Variants in RBL1 observed in about 807,000 individuals in gnomAD.
RBL1 encodes retinoblastoma-like protein 1.
A neutral mutation model predicts 123.0 loss-of-function variants in RBL1; 82 were observed. The ratio of observed to expected loss-of-function variants is 0.67; its 90% CI spans 0.56 to 0.80. The LOEUF (loss-of-function observed/expected upper bound fraction) is 0.80, where lower values mean the gene tolerates loss of function less well. Ranked by LOEUF, RBL1 falls within the 30% of genes least tolerant of loss-of-function variation. RBL1 has a pLI of 0.00. For synonymous variants in RBL1, 405 were observed against 441.3 expected (o/e 0.92, Z 1.03); for missense variants, 1,171 against 1,299.6 (o/e 0.90, Z 1.52).
At chr20:37,018,218 G>A in intron 19 of RBL1, 61 bp downstream of exon 19, 3 of 1,477,198 alleles carry the variant, frequency 2.0e-6, no homozygotes, top group Non-Finnish European at 9.0e-7. Context: ...GACACCCACT[G>A]TATTATGTAC....
At chr20:37,056,625 T>C (rs2065011836) in intron 9 of RBL1, among the ~76,000 whole-genome samples, 1 of 152,216 alleles carries the variant, frequency 6.6e-6, no homozygotes, top group East Asian at 1.9e-4. Flanking sequence ...AATGCTGGGA[T>C]TACAGGCATG....
Position 37,085,012 on chromosome 20 carries a change from C to T in RBL1, c.290+3977G>A, listed in dbSNP as rs377745041. On this transcript the variant is annotated intron_variant, in intron 2 of 21. Transcript: ENST00000373664. The stretch of plus-strand genomic sequence containing the variant: ...AACTCCTGACCCCAGGTGATCCGCC[C>T]GTCTAAGCCTTCCAAAGTGCTGGGG... Among the ~76,000 whole-genome samples, 79 of 152,204 alleles carry T rather than the reference C, an allele frequency of 5.2e-4. 1 individual carries two copies. Among genetic ancestry groups the T allele is most frequent in the Admixed American group, 5.2e-3 (79 of 15,258 alleles).
intron 1 of RBL1, 86 bp downstream of exon 1, chr20:37,095,687 C>T (rs2065724357): frequency 7.7e-7 from 1 of 1,294,386 alleles, no homozygotes; most frequent in Non-Finnish European, 1.0e-6. Flanking sequence ...GGGAAACTCC[C>T]ACCACCCCAT....
rs1234219930 is a variant in RBL1 at position 37,017,651 on chromosome 20, T to TGTGTGTGTGTGTGTGA, written c.2722+627_2722+628insTCACACACACACACAC. Reference sequence around the variant, plus strand: ...GTGTGTGTGTGTGTGTGTGTGTGTGTGACAGAGTCTCACTTTGCCGCCAGG... The same window carrying TGTGTGTGTGTGTGTGA: ...GTGTGTGTGTGTGTGTGTGTGTGTGTGTGTGTGTGTGTGTGAGACAGAGTCTCACTTTGCCGCCAGG... On this transcript the variant is annotated intron_variant, in intron 19 of 21. Coordinates refer to ENST00000373664, the MANE Select transcript of RBL1 (RefSeq NM_002895.5). Among the ~76,000 whole-genome samples, 16 of 151,174 alleles carry TGTGTGTGTGTGTGTGA rather than the reference T, an allele frequency of 1.1e-4. No homozygotes were observed. The South Asian group carries it at 1.9e-3, about 18-fold the overall frequency.
chr20:37,077,238 T>A (rs1568885874), intron 2 of RBL1, among the ~76,000 whole-genome samples: 1 of 152,166 alleles, frequency 6.6e-6, no homozygotes, highest in Non-Finnish European at 1.5e-5. Flanking sequence ...TGCCCAGCCA[T>A]CTATATATAC....
intron 16 of RBL1, among the ~76,000 whole-genome samples, chr20:37,032,388 G>C (rs1430505844): frequency 6.6e-6 from 1 of 152,118 alleles, no homozygotes; most frequent in African/African-American, 2.4e-5. Flanking sequence ...GAAACAGAAA[G>C]TAGAATAGTA....
chr20:37,006,199 C>T (rs1555846886), intron 20 of RBL1, among the ~76,000 whole-genome samples: 1 of 146,642 alleles, frequency 6.8e-6, no homozygotes, highest in Non-Finnish European at 1.5e-5. Context: ...AGCACCTGAC[C>T]TCCTTTTGTT....
At chr20:37,085,397 A>T (rs996134586) in intron 2 of RBL1, among the ~76,000 whole-genome samples, 2 of 151,972 alleles carry the variant, frequency 1.3e-5, no homozygotes, top group Non-Finnish European at 2.9e-5. Context: ...CAGCCTCCCA[A>T]AGTGCTGGGA....
Position 37,018,510 on chromosome 20 carries a change from G to T in RBL1, c.2632-141C>A, listed in dbSNP as rs562754247. ...GATACTCAAGGGTAAAATGTTATTA[G>T]CTCTAGTAAGTATAGATTATAACAC... On this transcript the variant is annotated intron_variant, in intron 18 of 21. Coordinates refer to ENST00000373664, the MANE Select transcript of RBL1 (RefSeq NM_002895.5). 21 of 1,187,458 alleles carry T rather than the reference G, an allele frequency of 1.8e-5. No homozygotes were observed. The South Asian group carries it at 4.1e-4, about 23-fold the overall frequency. The allele number at this position is 1,187,458 out of a possible 1,614,324, so 73.6% of individuals were successfully genotyped here. A position where few individuals can be genotyped will look rare whatever the true frequency, so the allele number is the denominator to read the frequency against.
At chr20:37,069,302 G>C (rs1179365995) in intron 2 of RBL1, among the ~76,000 whole-genome samples, 1 of 148,078 alleles carries the variant, frequency 6.8e-6, no homozygotes, top group African/African-American at 2.5e-5. Context: ...GCCGCCCATC[G>C]TCTGGGATGT....
intron 7 of RBL1, among the ~76,000 whole-genome samples, chr20:37,062,850 G>A (rs1600558454): frequency 6.6e-6 from 1 of 151,614 alleles, no homozygotes; most frequent in Admixed American, 6.6e-5. Context: ...AGCTACTTGG[G>A]AGGTGCCTGT....
chr20:37,067,326 C>A, intron 3 of RBL1, 29 bp from the exon 4 acceptor site: 1 of 1,493,076 alleles, frequency 6.7e-7, no homozygotes, highest in Non-Finnish European at 9.2e-7. Flanking sequence ...TACTTTTTGT[C>A]TGACTAGCTC....
Position 37,035,256 on chromosome 20 carries a change from G to A in RBL1, c.2156C>T (p.Thr719Ile), listed in dbSNP as rs776678629. 48 of 1,612,718 alleles carry A rather than the reference G, an allele frequency of 3.0e-5. No homozygotes were observed. The highest frequency in any genetic ancestry group is 4.0e-5 in the Non-Finnish European group (47 of 1,179,300). The change falls in exon 15 of 22, where the codon ACA (threonine) becomes ATA (isoleucine). Residue 719 changes from threonine (T) to isoleucine (I), a missense_variant. By Grantham distance (89) the Thr-to-Ile change is moderately conservative (BLOSUM62 -1). Transcript: ENST00000373664. ...TATAACGTTACCATGTAATGGAATT[G>A]TAACTTTATGTCCTGTTGTTCCTGT... ...PVTGTTGHKV[T>I]IPLHGVANDA...
intron 2 of RBL1, among the ~76,000 whole-genome samples, chr20:37,072,491 A>G (rs557041913): frequency 6.6e-6 from 1 of 152,174 alleles, no homozygotes; most frequent in Admixed American, 6.6e-5. Context: ...AACGAGAGCG[A>G]AACTCCGTCT....
chr20:36,998,768 T>C lies in RBL1; in HGVS notation c.3198A>G (p.Ala1066=). 1 of 1,610,054 alleles carries C rather than the reference T, an allele frequency of 6.2e-7. No homozygotes were observed. Among genetic ancestry groups the C allele is most frequent in the Non-Finnish European group, 8.5e-7 (1 of 1,178,452 alleles). ...KRLQDVVSER[A]NH is the part of the protein sequence containing the mutation. The stretch of plus-strand genomic sequence containing the variant: ...AGAAACAAGAACAACATTAATGATT[T>C]GCTCTTTCACTGACAACATCCTGTA... Residue 1066 remains alanine, a synonymous_variant, in exon 22 of 22, where the codon GCA becomes GCG. Coordinates refer to ENST00000373664, the MANE Select transcript of RBL1 (RefSeq NM_002895.5).
In RBL1 at chr20:37,044,119, C is replaced by G. The variant is rs1437923874; in HGVS notation, c.1737G>C (p.Gln579His). Reference sequence around the variant, plus strand: ...AGGTAGGAACTTTGTTTGCAGAAACCTGGAGAGCCTCCCACAGTGCAGAAT... The same window carrying G: ...AGGTAGGAACTTTGTTTGCAGAAACGTGGAGAGCCTCCCACAGTGCAGAAT... ...SHDSALWEAL[Q>H]VSANKVPTCE... The change falls in exon 13 of 22, where the codon CAG becomes CAC. Residue 579 changes from glutamine to histidine, a missense_variant. Transcript: ENST00000373664. 1 of 1,610,770 alleles carries G rather than the reference C, an allele frequency of 6.2e-7. No homozygotes were observed. The highest frequency in any genetic ancestry group is 1.3e-5 in the African/African-American group (1 of 74,208).
chr20:37,082,446 A>G (rs538800771), intron 2 of RBL1, among the ~76,000 whole-genome samples: 1 of 152,182 alleles, frequency 6.6e-6, no homozygotes, highest in East Asian at 1.9e-4. Context: ...TATGTTATAT[A>G]TATTTTACTC....
In RBL1 at chr20:37,022,825, A is replaced by T; in HGVS notation, c.2384T>A (p.Val795Asp). The change falls in exon 17 of 22, where the codon GTC (valine) becomes GAC (aspartate). Residue 795 changes from valine (V) to aspartate (D), a missense_variant and splice_region_variant. Physicochemically the swap from Val to Asp is radical, Grantham distance 152 (BLOSUM62 -3). Transcript: ENST00000373664. ...TGSLALFYRKVYHLASVRLRD... is the reference protein window; with the variant it reads ...TGSLALFYRKDYHLASVRLRD... Reference sequence around the variant, plus strand: ...TAAGCGTACACTTGCCAAATGATAGACCTAAAATAGAAGGTAACACATTGA... The same window carrying T: ...TAAGCGTACACTTGCCAAATGATAGTCCTAAAATAGAAGGTAACACATTGA... 1 of 1,603,714 alleles carries T rather than the reference A, an allele frequency of 6.2e-7. No homozygotes were observed.
chr20:37,008,665 A>T (rs2064110470), intron 19 of RBL1, among the ~76,000 whole-genome samples: 1 of 152,232 alleles, frequency 6.6e-6, no homozygotes, highest in Non-Finnish European at 1.5e-5. Context: ...AAAAGCTCTC[A>T]TTCTCAATAC....
Sources: allele counts gnomAD v4.1 joint callset (sites outside exome capture counted in the v4.1 genomes callset), GRCh38; gene constraint gnomAD v4.1.1; transcripts MANE v1.5; gene names NCBI Gene and HGNC (gene_info 2026-07-23, HGNC 2026-07-21).